Variants in ANKFN1 observed in about 807,000 individuals in gnomAD.
ANKFN1 encodes ankyrin repeat and fibronectin type III domain containing 1, also known as ankyrin repeat and fibronectin type-III domain-containing protein 1.
A neutral mutation model predicts 108.7 loss-of-function variants in ANKFN1; 74 were observed. That is an observed-to-expected ratio of 0.68 (90% CI 0.56 to 0.83). The LOEUF is 0.83. Ranked by LOEUF, ANKFN1 falls within the 40% of genes least tolerant of loss-of-function variation. The pLI is 0.00. For synonymous variants in ANKFN1, 547 were observed against 516.2 expected (o/e 1.06, Z -0.81); for missense variants, 1,505 against 1,382.3 (o/e 1.09, Z -1.41).
intron 3 of ANKFN1, chr17:56,258,498 C>G (rs1452215535): frequency 1.3e-5 from 2 of 152,200 alleles, no homozygotes; most frequent in Non-Finnish European, 2.9e-5. Flanking sequence ...GACCTGTGTG[C>G]ACCTGGAGCC....
chr17:56,195,732 G>A (rs977300565), intron 1 of ANKFN1, among the ~76,000 whole-genome samples: 8 of 152,174 alleles, frequency 5.3e-5, no homozygotes, highest in African/African-American at 1.4e-4. Flanking sequence ...GTATCACTCA[G>A]CGTATTATTC....
At chr17:56,404,108 C>G (rs1454681465) in intron 8 of ANKFN1, among the ~76,000 whole-genome samples, 1 of 152,108 alleles carries the variant, frequency 6.6e-6, no homozygotes, top group East Asian at 1.9e-4. Flanking sequence ...TTTCCTTCTT[C>G]TTAACTTTGG....
chr17:56,185,493 G>A (rs1598198302), intron 1 of ANKFN1, among the ~76,000 whole-genome samples: 1 of 152,120 alleles, frequency 6.6e-6, no homozygotes, highest in East Asian at 1.9e-4. Flanking sequence ...CGAAGAATGG[G>A]TCAGAGCAGG....
intron 6 of ANKFN1, among the ~76,000 whole-genome samples, chr17:56,366,421 G>A (rs1460483937): frequency 6.6e-6 from 1 of 152,132 alleles, no homozygotes; most frequent in African/African-American, 2.4e-5. Context: ...TATACATTTA[G>A]TGTAGCTTAA....
intron 2 of ANKFN1, among the ~76,000 whole-genome samples, chr17:56,217,230 C>G (rs1289064382): frequency 6.6e-6 from 1 of 152,178 alleles, no homozygotes; most frequent in African/African-American, 2.4e-5. Flanking sequence ...CTCTACTGTT[C>G]AACAAACTCC....
At position 56,337,165 on chromosome 17, in the gene ANKFN1, C is replaced by T. The variant is rs192896154; in HGVS notation, c.188+10810C>T. Among the ~76,000 whole-genome samples the T allele has an allele frequency of 1.3e-4, 20 of 152,074 alleles. No homozygotes were observed. The East Asian group carries it at 1.4e-3, about 10-fold the overall frequency. On this transcript the variant is annotated intron_variant, in intron 4 of 20. Transcript: ENST00000682825. ...TATGTGGTCAATTTTGGAATAAGTG[C>T]GATGTGGTGCTGAGAAGAATGTATA...
At chr17:56,467,406 G>A (rs1030321670) in intron 15 of ANKFN1, among the ~76,000 whole-genome samples, 1 of 152,052 alleles carries the variant, frequency 6.6e-6, no homozygotes, top group African/African-American at 2.4e-5. Context: ...GAGGCTGGGC[G>A]CAGTGGCTCA....
intron 1 of ANKFN1, chr17:56,206,925 G>A (rs1914585787): frequency 6.6e-6 from 1 of 152,140 alleles, no homozygotes; most frequent in African/African-American, 2.4e-5. Flanking sequence ...TCCATTCCAG[G>A]TTTGAGCCCT....
At chr17:56,207,999 GT>G (rs948841809) in intron 1 of ANKFN1, among the ~76,000 whole-genome samples, 3 of 152,106 alleles carry the variant, frequency 2.0e-5, no homozygotes, top group African/African-American at 7.2e-5. Context: ...GCTTTCCTTA[GT>G]CAAGATTTCT....
intron 8 of ANKFN1, among the ~76,000 whole-genome samples, chr17:56,404,299 T>C (rs185771598): frequency 2.0e-5 from 3 of 152,300 alleles, no homozygotes; most frequent in African/African-American, 7.2e-5. Flanking sequence ...GGAACACCGA[T>C]TATTCTTAGG....
At chr17:56,093,151 TG>T (rs113650949) in intron 4 of ANKFN1, among the ~76,000 whole-genome samples, 2 of 151,366 alleles carry the variant, frequency 1.3e-5, no homozygotes, top group African/African-American at 4.8e-5. Context: ...TGGGCCACCT[TG>T]GCGGGGAGAG....
chr17:56,078,292 C>G (rs1353939203), intron 4 of ANKFN1, among the ~76,000 whole-genome samples: 2 of 152,132 alleles, frequency 1.3e-5, no homozygotes, highest in African/African-American at 4.8e-5. Context: ...TTCTTGAAGC[C>G]CTGGTCACCT....
At chr17:56,502,036 G>A (rs1438033076) in intron 20 of ANKFN1, among the ~76,000 whole-genome samples, 2 of 152,180 alleles carry the variant, frequency 1.3e-5, no homozygotes, top group African/African-American at 4.8e-5. Context: ...GGCTGCAAAA[G>A]GGAAGAAGGA....
intron 1 of ANKFN1, among the ~76,000 whole-genome samples, chr17:56,205,049 C>T (rs530201001): frequency 6.6e-6 from 1 of 152,172 alleles, no homozygotes; most frequent in South Asian, 2.1e-4. Flanking sequence ...GCAACTCCAG[C>T]ATGGGCGACA....
chr17:56,148,740 C>T (rs1326011505), upstream of ANKFN1, among the ~76,000 whole-genome samples: 1 of 152,324 alleles, frequency 6.6e-6, no homozygotes, highest in Admixed American at 6.5e-5. Context: ...CAAATAACTG[C>T]ACATTTCCAT....
intron 8 of ANKFN1, among the ~76,000 whole-genome samples, chr17:56,437,971 T>C (rs2145147885): frequency 7.9e-6 from 1 of 126,592 alleles, no homozygotes; most frequent in South Asian, 2.6e-4. Flanking sequence ...TAATCTACTG[T>C]AGGTGTGTGT....
rs75499168 is a variant in ANKFN1 at position 56,113,819 on chromosome 17, G to A, written c.288+67494G>A. On this transcript the variant is annotated intron_variant, in intron 4 of 12. Transcript: ENST00000635860. The stretch of plus-strand genomic sequence containing the variant: ...TAGAGTCTTTGAGCAGTGACTAAGT[G>A]GCAATTGAGAAGGTCAGATGGATAT... Among the ~76,000 whole-genome samples the A allele has an allele frequency of 1.7e-3, 261 of 150,152 alleles. 8 individuals are homozygous for A. The East Asian group carries it at 0.047, about 27-fold the overall frequency.
At chr17:56,152,304 T>G (rs924584619), upstream of ANKFN1, among the ~76,000 whole-genome samples, 6 of 119,888 alleles carry the variant, frequency 5.0e-5, no homozygotes. Context: ...GTGTGTGTGT[T>G]TAATTTTTCT....
intron 4 of ANKFN1, among the ~76,000 whole-genome samples, chr17:56,339,103 T>A (rs1038803951): frequency 2.2e-4 from 34 of 152,156 alleles, no homozygotes; most frequent in African/African-American, 7.0e-4. Context: ...TTAGTTTTTT[T>A]ACTTCTTTTG....
Sources: allele counts gnomAD v4.1 joint callset (sites outside exome capture counted in the v4.1 genomes callset), GRCh38; gene constraint gnomAD v4.1.1; transcripts MANE v1.5; gene names NCBI Gene and HGNC (gene_info 2026-07-23, HGNC 2026-07-21).